The following EIF2B3 variants were observed in gnomAD, a reference collection of about 807,000 sequenced individuals.
EIF2B3 encodes the protein eukaryotic translation initiation factor 2B subunit gamma.
EIF2B3 carries 20 observed loss-of-function variants against 54.1 expected under a neutral mutation model. The observed-to-expected ratio is 0.37, with a 90% CI of 0.26 to 0.54. The LOEUF is 0.54. Among genes scored for constraint, EIF2B3 ranks in the 20% least tolerant of loss-of-function variants. EIF2B3 has a pLI of 0.86. For synonymous variants in EIF2B3, 153 were observed against 188.1 expected, an observed-to-expected ratio of 0.81 and a Z score of 1.52; for missense variants, 448 against 547.8, an observed-to-expected ratio of 0.82 and a Z score of 1.82.
intron 10 of EIF2B3, among the ~76,000 whole-genome samples, chr1:44,865,213 T>C (rs1573686024): frequency 9.4e-6 from 1 of 106,912 alleles, no homozygotes; most frequent in African/African-American, 3.5e-5. Context: ...CGAGACTCCA[T>C]CTTAAAAAAA....
chr1:44,953,368 C>T (rs1644189533), intron 3 of EIF2B3, among the ~76,000 whole-genome samples: 1 of 152,092 alleles, frequency 6.6e-6, no homozygotes, highest in Admixed American at 6.6e-5. Context: ...AGTTAGCTGT[C>T]TCACTGTCTT....
intron 3 of EIF2B3, among the ~76,000 whole-genome samples, chr1:44,946,396 G>C (rs1023095864): frequency 1.3e-5 from 2 of 151,240 alleles, no homozygotes; most frequent in African/African-American, 4.9e-5. Flanking sequence ...GGAAATCTCA[G>C]AAGAAGAAAG....
chr1:44,933,960 TA>T (rs1215481668), intron 4 of EIF2B3, among the ~76,000 whole-genome samples: 2 of 151,106 alleles, frequency 1.3e-5, no homozygotes, highest in Non-Finnish European at 2.9e-5. Flanking sequence ...CCGTCTCTAC[TA>T]AAAATACAAA....
chr1:44,977,978 G>A (rs894681959), intron 3 of EIF2B3, among the ~76,000 whole-genome samples: 3 of 151,984 alleles, frequency 2.0e-5, no homozygotes, highest in African/African-American at 4.8e-5. Flanking sequence ...GATGGCTCAC[G>A]CCTGTAATCC....
intron 10 of EIF2B3, among the ~76,000 whole-genome samples, chr1:44,867,584 A>G (rs17390398): frequency 0.15 from 22,803 of 152,064 alleles, 1,827 homozygotes; most frequent in Non-Finnish European, 0.17. Flanking sequence ...TAGCCAAGAC[A>G]TAATAGCAGC....
intron 1 of EIF2B3, among the ~76,000 whole-genome samples, chr1:44,984,115 G>A (rs577824426): frequency 1.3e-5 from 2 of 152,218 alleles, no homozygotes; most frequent in South Asian, 4.1e-4. Flanking sequence ...GGAGGCAGCA[G>A]CTGCAGTGAG....
At position 44,875,761 on chromosome 1, in the gene EIF2B3, CCCTCTA is replaced by C. The variant is rs1010710792; in HGVS notation, c.976-72_976-67del. 3.9e-5 allele frequency: 49 copies of C among 1,248,532 alleles called. No homozygotes were observed. In the Middle Eastern group the frequency reaches 7.5e-4, roughly 19 times the overall value. 77.3% of individuals were successfully genotyped at this position (1,248,532 alleles called of 1,614,324 possible). ...CTTAGGTAGCTCTCCCTCTCCCTCT[CCCTCTA>C]CCTCTCCCACTCCCCCTCCCCACGG... On this transcript the variant is annotated intron_variant, in intron 8 of 11. Transcript: ENST00000360403.
At chr1:44,909,125 T>C (rs904024807) in intron 5 of EIF2B3, among the ~76,000 whole-genome samples, 6 of 151,176 alleles carry the variant, frequency 4.0e-5, no homozygotes, top group Admixed American at 6.6e-5. Flanking sequence ...AGGACCTAGA[T>C]TGGATGAAGA....
intron 5 of EIF2B3, among the ~76,000 whole-genome samples, chr1:44,919,715 CTTTTTTTTTTT>C (rs777128961): frequency 8.6e-6 from 1 of 115,888 alleles, no homozygotes; most frequent in Non-Finnish European, 1.7e-5. Flanking sequence ...ATTGAATGTC[CTTTTTTTTTTT>C]TTTTTTTTTG....
At chr1:44,876,956 G>A (rs1223426502) in intron 8 of EIF2B3, among the ~76,000 whole-genome samples, 1 of 145,486 alleles carries the variant, frequency 6.9e-6, no homozygotes, top group Non-Finnish European at 1.5e-5. Flanking sequence ...TGGATTAAGG[G>A]CGGTGCAAGA....
chr1:44,852,493 G>A (rs1251518491), intron 11 of EIF2B3, among the ~76,000 whole-genome samples: 1 of 151,924 alleles, frequency 6.6e-6, no homozygotes, highest in African/African-American at 2.4e-5. Flanking sequence ...TAAGAACATT[G>A]AGGGCGCTGG....
intron 4 of EIF2B3, among the ~76,000 whole-genome samples, chr1:44,937,535 ATG>A (rs1414152239): frequency 6.6e-6 from 1 of 152,184 alleles, no homozygotes; most frequent in African/African-American, 2.4e-5. Context: ...TTTGGAATAT[ATG>A]TGTTCGGAGG....
rs79786649 is a variant in EIF2B3, at chr1:44,902,619, C to T, written c.567-5175G>A. 4.7e-3 allele frequency among the ~76,000 whole-genome samples: 710 copies of T among 151,998 alleles called. 22 individuals are homozygous for T. In the East Asian group the frequency reaches 0.09, roughly 19 times the overall value. ...GGAGGACTGCTCAAGCTCAGGAGTT[C>T]AAGACCAGCCTGGGCAATATAAGGA... On this transcript the variant is annotated intron_variant, in intron 5 of 11. Transcript: ENST00000360403.
rs138782299 is a variant in EIF2B3, at chr1:44,984,796, T to C, written c.-10+1697A>G. Among the ~76,000 whole-genome samples the C allele has an allele frequency of 7.5e-3, 732 of 97,508 alleles. 13 individuals carry two copies. Among genetic ancestry groups the C allele is most frequent in the Non-Finnish European group, 0.01 (558 of 53,232 alleles). The allele number at this position is 97,508 out of a possible 152,430, so 64.0% of individuals were successfully genotyped here. A position where few individuals can be genotyped will look rare whatever the true frequency, so the allele number is the denominator to read the frequency against. On this transcript the variant is annotated intron_variant, in intron 1 of 11. Coordinates refer to ENST00000360403, the MANE Select transcript of EIF2B3 (RefSeq NM_020365.5). ...CGTAAAGCAGACAAAATAATGTCCATCTTTTTTTTTTTTTTTTTTTTGAGA... is the reference window on the plus strand; with the variant it reads ...CGTAAAGCAGACAAAATAATGTCCACCTTTTTTTTTTTTTTTTTTTTGAGA...
chr1:44,985,952 C>T (rs550128222), intron 1 of EIF2B3, among the ~76,000 whole-genome samples: 1 of 152,264 alleles, frequency 6.6e-6, no homozygotes, highest in South Asian at 2.1e-4. Context: ...GACCTCACTG[C>T]TCCTCCCTAT....
At chr1:44,952,192 T>C in intron 3 of EIF2B3, among the ~76,000 whole-genome samples, 1 of 139,354 alleles carries the variant, frequency 7.2e-6, no homozygotes, top group Non-Finnish European at 1.6e-5. Context: ...CTCGATCTCC[T>C]GACCTCGTGA....
In EIF2B3 at chr1:44,857,797, G is replaced by C. The variant is rs748821477; in HGVS notation, c.1213C>G (p.Gln405Glu). The change falls in exon 11 of 12, where the codon CAA (glutamine) becomes GAA (glutamate). Residue 405 changes from glutamine (Q) to glutamate (E), a missense_variant. Physicochemically the swap from Gln to Glu is conservative, Grantham distance 29. Coordinates refer to ENST00000360403, the MANE Select transcript of EIF2B3 (RefSeq NM_020365.5). ...SVTVEEGSNI[Q>E]GSVICNNAVI... ...GCATTGTTGCAGATGACACTGCCTT[G>C]GATATTGCTTCTGTAACACAGTAGC... 6.2e-7 allele frequency: 1 copy of C among 1,614,062 alleles called. No homozygotes were observed. The highest frequency in any genetic ancestry group is 1.1e-5 in the South Asian group (1 of 91,086).
At chr1:44,952,136 T>C (rs1644170488) in intron 3 of EIF2B3, among the ~76,000 whole-genome samples, 1 of 137,890 alleles carries the variant, frequency 7.3e-6, no homozygotes, top group South Asian at 2.4e-4. Flanking sequence ...CTAATTTTTT[T>C]GTATTTTTAG....
intron 1 of EIF2B3, among the ~76,000 whole-genome samples, chr1:44,981,942 C>CCAA (rs1644518066): frequency 1.3e-5 from 1 of 78,990 alleles, no homozygotes; most frequent in African/African-American, 4.4e-5. Flanking sequence ...GATCCTGTCT[C>CCAA]AAAAAAAAAA....
Sources: allele counts gnomAD v4.1 joint callset (sites outside exome capture counted in the v4.1 genomes callset), GRCh38; gene constraint gnomAD v4.1.1; transcripts MANE v1.5; gene names NCBI Gene and HGNC (gene_info 2026-07-23, HGNC 2026-07-21).